Variants in NEK1 observed in about 807,000 individuals in gnomAD.
NEK1 encodes the protein serine/threonine-protein kinase Nek1.
In NEK1, 137 loss-of-function variants were observed where a neutral mutation model predicts 182.1. The observed-to-expected ratio is 0.75, with a 90% CI of 0.65 to 0.87. The LOEUF (loss-of-function observed/expected upper bound fraction) is 0.87, where lower values mean the gene tolerates loss of function less well. Among genes scored for constraint, NEK1 ranks in the 40% least tolerant of loss-of-function variants. NEK1 has a pLI of 0.00. For missense variants in NEK1, 1,391 were observed against 1,494.4 expected, an observed-to-expected ratio of 0.93 and a Z score of 1.14; for synonymous variants, 513 against 492.2, an observed-to-expected ratio of 1.04 and a Z score of -0.56.
chr4:169,447,916 G>A (rs1446924112), intron 27 of NEK1, among the ~76,000 whole-genome samples: 3 of 151,960 alleles, frequency 2.0e-5, no homozygotes, highest in Non-Finnish European at 2.9e-5. Flanking sequence ...GAGGTGTGAT[G>A]GCTTATGCCT....
At chr4:169,399,576 A>AC (rs202049810) in intron 35 of NEK1, among the ~76,000 whole-genome samples, 1,535 of 106,494 alleles carry the variant, frequency 0.014, 22 homozygotes, top group African/African-American at 0.045. Context: ...TGTCTCAAAA[A>AC]AAACAAAAAA....
chr4:169,487,583 T>A (rs568031383), intron 23 of NEK1, among the ~76,000 whole-genome samples: 1 of 152,358 alleles, frequency 6.6e-6, no homozygotes, highest in East Asian at 1.9e-4. Flanking sequence ...TCTGGGTTGA[T>A]TCTATGTCTT....
chr4:169,598,320 T>C (rs1271574839), intron 5 of NEK1, among the ~76,000 whole-genome samples: 2 of 152,108 alleles, frequency 1.3e-5, no homozygotes, highest in African/African-American at 2.4e-5. Context: ...TCTACTCCCC[T>C]ATGTAAAAGC....
intron 27 of NEK1, among the ~76,000 whole-genome samples, chr4:169,457,224 G>A (rs1743054815): frequency 6.6e-6 from 1 of 152,142 alleles, no homozygotes; most frequent in South Asian, 2.1e-4. Context: ...GAATTGGACT[G>A]TTTGTAATAC....
chr4:169,468,030 G>A (rs1745251394), intron 26 of NEK1, among the ~76,000 whole-genome samples: 1 of 152,082 alleles, frequency 6.6e-6, no homozygotes. Context: ...TTAACACTGA[G>A]CAAAACAAAG....
At chr4:169,567,054 C>T (rs1348722899) in intron 12 of NEK1, among the ~76,000 whole-genome samples, 1 of 150,234 alleles carries the variant, frequency 6.7e-6, no homozygotes, top group Non-Finnish European at 1.5e-5. Flanking sequence ...TGCACCACTG[C>T]ACTATGGCTT....
chr4:169,508,890 TA>T, intron 19 of NEK1, 38 bp from the exon 20 acceptor site: 2 of 1,463,222 alleles, frequency 1.4e-6, no homozygotes, highest in Non-Finnish European at 9.3e-7. Context: ...AAAGAATGAC[TA>T]AGGCTACATT....
chr4:169,421,119 A>C lies in NEK1; in HGVS notation c.3222+3434T>G, dbSNP rs76576084. Among the ~76,000 whole-genome samples, 326 of 152,288 alleles carry C rather than the reference A, an allele frequency of 2.1e-3. 1 individual carries two copies. Among genetic ancestry groups the C allele is most frequent in the African/African-American group, 6.9e-3 (288 of 41,574 alleles). ...GATATGACCAGTGATAAAAGGATTC[A>C]TTTCATGGTGACAAAGGGGTTGATT... On this transcript the variant is annotated intron_variant, in intron 31 of 35. Transcript: ENST00000507142.
chr4:169,400,152 GATTCAT>G, intron 35 of NEK1, 67 bp downstream of exon 35: 1 of 1,389,574 alleles, frequency 7.2e-7, no homozygotes. Flanking sequence ...GATGTAAGCT[GATTCAT>G]ATACATGTAT....
At chr4:169,470,655 A>ATGT (rs771467608) in intron 26 of NEK1, among the ~76,000 whole-genome samples, 32 of 152,136 alleles carry the variant, frequency 2.1e-4, no homozygotes, top group Non-Finnish European at 4.0e-4. Context: ...CTGAATTTGA[A>ATGT]TGTTGGTCTG....
intron 5 of NEK1, among the ~76,000 whole-genome samples, chr4:169,593,968 G>C (rs554109863): frequency 1.4e-5 from 2 of 146,454 alleles, no homozygotes; most frequent in African/African-American, 5.1e-5. Context: ...CTGTCTGGGC[G>C]ACAGAGTGAG....
chr4:169,434,497 G>A (rs1738032456), intron 28 of NEK1, among the ~76,000 whole-genome samples: 1 of 152,160 alleles, frequency 6.6e-6, no homozygotes, highest in Non-Finnish European at 1.5e-5. Flanking sequence ...ACAGGCGTGA[G>A]CCACCACGCC....
intron 19 of NEK1, among the ~76,000 whole-genome samples, chr4:169,509,915 C>G (rs1278786257): frequency 6.6e-6 from 1 of 151,924 alleles, no homozygotes. Flanking sequence ...ACTAGTTATC[C>G]AGACAATATT....
intron 18 of NEK1, chr4:169,555,021 A>G (rs1400168259): frequency 6.6e-6 from 1 of 152,260 alleles, no homozygotes; most frequent in Non-Finnish European, 1.5e-5. Flanking sequence ...ATTCTGGAGA[A>G]TAAAAGCCTC....
Position 169,601,674 on chromosome 4 carries a change from C to T in NEK1, c.214+334G>A, listed in dbSNP as rs537064261. Among the ~76,000 whole-genome samples, 12 of 152,114 alleles carry T rather than the reference C, an allele frequency of 7.9e-5. No individual in the cohort carries two copies. The South Asian group carries it at 1.0e-3, about 13-fold the overall frequency. On this transcript the variant is annotated intron_variant, in intron 4 of 35. Transcript: ENST00000507142. ...CCAAATTCTTGCACTTACTGCATTGCTTCTTTTAAAGCAATCACTAATAAC... is the reference window on the plus strand; with the variant it reads ...CCAAATTCTTGCACTTACTGCATTGTTTCTTTTAAAGCAATCACTAATAAC...
chr4:169,603,130 G>T (rs1770763868), intron 2 of NEK1, among the ~76,000 whole-genome samples: 1 of 152,110 alleles, frequency 6.6e-6, no homozygotes, highest in Admixed American at 6.5e-5. Context: ...TGTGCTTATT[G>T]TAAGGATTTC....
At chr4:169,489,329 G>A (rs536139418) in intron 23 of NEK1, among the ~76,000 whole-genome samples, 93 of 152,276 alleles carry the variant, frequency 6.1e-4, no homozygotes, top group African/African-American at 2.1e-3. Flanking sequence ...GGAGGGTGGT[G>A]ACATCAGCAG....
intron 11 of NEK1, 47 bp downstream of exon 11, chr4:169,580,795 T>C: frequency 1.8e-6 from 2 of 1,109,052 alleles, no homozygotes; most frequent in Non-Finnish European, 2.7e-6. Context: ...TTAATTAGGG[T>C]TGATTATTGC....
At chr4:169,557,606 G>T in intron 16 of NEK1, among the ~76,000 whole-genome samples, 1 of 152,082 alleles carries the variant, frequency 6.6e-6, no homozygotes, top group Non-Finnish European at 1.5e-5. Flanking sequence ...AAACTTCCAG[G>T]TGATAACATC....
Sources: allele counts gnomAD v4.1 joint callset (sites outside exome capture counted in the v4.1 genomes callset), GRCh38; gene constraint gnomAD v4.1.1; transcripts MANE v1.5; gene names NCBI Gene and HGNC (gene_info 2026-07-23, HGNC 2026-07-21).